Variants in CTNNA3 observed in about 807,000 individuals in gnomAD.
CTNNA3 encodes the protein catenin alpha 3, also known as catenin alpha-3.
A neutral mutation model predicts 95.7 loss-of-function variants in CTNNA3; 76 were observed. The observed-to-expected ratio is 0.79, with a 90% CI of 0.66 to 0.96. CTNNA3 has a LOEUF of 0.96. Ranked by LOEUF, CTNNA3 falls within the 40% of genes least tolerant of loss-of-function variation. The probability of loss-of-function intolerance (pLI) is 0.00; values close to 1 mark genes in which losing one functional copy is unlikely to be tolerated. For synonymous variants in CTNNA3, 431 were observed against 374.4 expected, an observed-to-expected ratio of 1.15 and a Z score of -1.74; for missense variants, 1,191 against 1,089.8, an observed-to-expected ratio of 1.09 and a Z score of -1.31.
At chr10:67,201,122 T>G (rs540274297) in intron 6 of CTNNA3, among the ~76,000 whole-genome samples, 1 of 152,112 alleles carries the variant, frequency 6.6e-6, no homozygotes, top group African/African-American at 2.4e-5. Flanking sequence ...ATGACTAAGA[T>G]AGTAATGTGA....
intron 3 of CTNNA3, among the ~76,000 whole-genome samples, chr10:67,566,315 A>C (rs1589434788): frequency 6.7e-6 from 1 of 149,038 alleles, no homozygotes; most frequent in Admixed American, 6.7e-5. Context: ...GAACTCAAAC[A>C]AATTTACAAG....
intron 12 of CTNNA3, among the ~76,000 whole-genome samples, chr10:66,342,448 A>G (rs2092463644): frequency 6.6e-6 from 1 of 152,048 alleles, no homozygotes; most frequent in Admixed American, 6.6e-5. Flanking sequence ...AAATTTCTAG[A>G]TGGTTTAAAT....
intron 7 of CTNNA3, among the ~76,000 whole-genome samples, chr10:67,009,290 G>A (rs1030036044): frequency 2.0e-5 from 3 of 151,248 alleles, no homozygotes; most frequent in African/African-American, 7.3e-5. Flanking sequence ...CATAATAAAT[G>A]TTGTGTTTTT....
intron 3 of CTNNA3, among the ~76,000 whole-genome samples, chr10:67,563,539 C>T (rs1042192761): frequency 7.2e-5 from 11 of 152,074 alleles, no homozygotes; most frequent in African/African-American, 2.4e-4. Context: ...CATAAGAGCC[C>T]TAGAAGAAAA....
chr10:66,470,583 G>A (rs1326015873), intron 11 of CTNNA3, among the ~76,000 whole-genome samples: 1 of 151,800 alleles, frequency 6.6e-6, no homozygotes, highest in East Asian at 1.9e-4. Flanking sequence ...GGAAACCTGA[G>A]GCATTCATTG....
At chr10:67,483,603 T>C (rs916714160) in intron 5 of CTNNA3, among the ~76,000 whole-genome samples, 7 of 150,422 alleles carry the variant, frequency 4.7e-5, no homozygotes, top group Non-Finnish European at 1.0e-4. Flanking sequence ...CTCTGGGGAC[T>C]GTTGTGGGGT....
intron 11 of CTNNA3, among the ~76,000 whole-genome samples, chr10:66,467,403 A>G (rs570679258): frequency 1.3e-5 from 2 of 152,210 alleles, no homozygotes; most frequent in African/African-American, 4.8e-5. Flanking sequence ...TTTTGTGCAG[A>G]TATCTAATAT....
intron 11 of CTNNA3, among the ~76,000 whole-genome samples, chr10:66,491,439 C>G (rs1219758959): frequency 6.6e-6 from 1 of 152,134 alleles, no homozygotes; most frequent in Admixed American, 6.5e-5. Context: ...TGGAAGAAGC[C>G]TATGAACTTT....
At chr10:67,485,100 G>C (rs1848391790) in intron 5 of CTNNA3, among the ~76,000 whole-genome samples, 1 of 152,116 alleles carries the variant, frequency 6.6e-6, no homozygotes, top group Non-Finnish European at 1.5e-5. Context: ...GGATAAAGAA[G>C]ACACAGTACA....
chr10:65,929,553 T>G (rs937424496), intron 17 of CTNNA3, among the ~76,000 whole-genome samples: 1 of 151,974 alleles, frequency 6.6e-6, no homozygotes, highest in Non-Finnish European at 1.5e-5. Context: ...TAAATGAAGC[T>G]ATAGCTTTTC....
intron 16 of CTNNA3, among the ~76,000 whole-genome samples, chr10:65,985,772 C>A (rs1289010971): frequency 1.3e-5 from 2 of 151,392 alleles, no homozygotes; most frequent in East Asian, 1.9e-4. Flanking sequence ...AATGGCCTAG[C>A]CAGAACCATT....
chr10:67,682,783 A>T (rs1480038011), intron 1 of CTNNA3, among the ~76,000 whole-genome samples: 1 of 152,240 alleles, frequency 6.6e-6, no homozygotes. Context: ...AAGCATATTC[A>T]TTGCACACAG....
At chr10:67,289,116 T>C (rs1172259955) in intron 5 of CTNNA3, among the ~76,000 whole-genome samples, 2 of 152,232 alleles carry the variant, frequency 1.3e-5, no homozygotes, top group African/African-American at 2.4e-5. Flanking sequence ...CTTTGTTTTT[T>C]ACTTAGATAA....
intron 10 of CTNNA3, among the ~76,000 whole-genome samples, chr10:66,578,700 G>A (rs1843083682): frequency 6.6e-6 from 1 of 151,698 alleles, no homozygotes; most frequent in South Asian, 2.1e-4. Context: ...TTTTTGATGT[G>A]CTGTTAGATT....
intron 9 of CTNNA3, among the ~76,000 whole-genome samples, chr10:66,760,798 T>C (rs756873598): frequency 6.6e-6 from 1 of 152,152 alleles, no homozygotes; most frequent in Middle Eastern, 3.2e-3. Flanking sequence ...AGGACTAAGA[T>C]GCTGAGCAGT....
chr10:66,232,066 T>C (rs2089614860), intron 13 of CTNNA3, among the ~76,000 whole-genome samples: 1 of 152,172 alleles, frequency 6.6e-6, no homozygotes, highest in Admixed American at 6.5e-5. Context: ...GTGTTCTAAT[T>C]ACATACAGTT....
At chr10:66,998,547 G>T (rs73317143) in intron 7 of CTNNA3, among the ~76,000 whole-genome samples, 1,546 of 152,110 alleles carry the variant, frequency 0.01, 26 homozygotes, top group African/African-American at 0.034. Flanking sequence ...AAAATAAAAA[G>T]ATGAAGAATG....
chr10:66,682,229 T>C (rs1847090405), intron 9 of CTNNA3, among the ~76,000 whole-genome samples: 1 of 152,320 alleles, frequency 6.6e-6, no homozygotes, highest in East Asian at 1.9e-4. Flanking sequence ...ATTTTCTGTG[T>C]TGGGAGAGCT....
chr10:66,637,548 G>A (rs912568555), intron 9 of CTNNA3, among the ~76,000 whole-genome samples: 7 of 152,188 alleles, frequency 4.6e-5, no homozygotes, highest in Non-Finnish European at 8.8e-5. Context: ...CTTTCAAACC[G>A]TTGTCAGGCT....
Sources: gnomAD v4.1 joint callset for allele counts (sites outside exome capture counted in the v4.1 genomes callset) on GRCh38, gnomAD v4.1.1 for gene constraint, MANE v1.5 for transcripts, NCBI Gene and HGNC (gene_info 2026-07-23, HGNC 2026-07-21) for gene names.